The following AMPH variants were observed in gnomAD, a reference collection of about 807,000 sequenced individuals.
AMPH encodes amphiphysin.
Under a neutral mutation model 99.1 loss-of-function variants are expected in AMPH, and 49 were observed. The ratio of observed to expected loss-of-function variants is 0.49; its 90% CI spans 0.39 to 0.63. The LOEUF (loss-of-function observed/expected upper bound fraction) is 0.63, where lower values mean the gene tolerates loss of function less well. AMPH is among the 20% of genes least tolerant of loss of function. The pLI is 0.00. For synonymous variants in AMPH, 314 were observed against 317.3 expected (o/e 0.99, Z 0.11); for missense variants, 759 against 863.4 (o/e 0.88, Z 1.52).
intron 4 of AMPH, among the ~76,000 whole-genome samples, chr7:38,493,597 A>G (rs981866926): frequency 6.6e-6 from 1 of 152,216 alleles, no homozygotes; most frequent in African/African-American, 2.4e-5. Context: ...GTCAGCCAGA[A>G]GCCTGATTTC....
intron 9 of AMPH, among the ~76,000 whole-genome samples, chr7:38,463,602 A>G (rs967116166): frequency 1.3e-5 from 2 of 152,234 alleles, no homozygotes; most frequent in African/African-American, 4.8e-5. Context: ...CTTTTATATT[A>G]AAAGGTAACC....
At chr7:38,614,089 A>G (rs1381213731) in intron 1 of AMPH, among the ~76,000 whole-genome samples, 1 of 152,238 alleles carries the variant, frequency 6.6e-6, no homozygotes. Context: ...ATCAAGACCT[A>G]GAAGTTTTCT....
intron 1 of AMPH, among the ~76,000 whole-genome samples, chr7:38,558,201 G>C (rs1791432208): frequency 6.6e-6 from 1 of 152,174 alleles, no homozygotes; most frequent in Non-Finnish European, 1.5e-5. Context: ...ACAGTTTCTA[G>C]AGAAAGTCCA....
rs116778729 is a variant in AMPH, at chr7:38,478,520, C to T, written c.397-1551G>A. On this transcript the variant is annotated intron_variant, in intron 5 of 20. Transcript: ENST00000356264. The stretch of plus-strand genomic sequence containing the variant: ...TCCAGACATAAATATTATTTCAGTA[C>T]TCACTATCCTATACATGATGTCTGG... 4.9e-3 allele frequency among the ~76,000 whole-genome samples: 750 copies of T among 152,192 alleles called. 10 individuals are homozygous for T. Among genetic ancestry groups the T allele is most frequent in the African/African-American group, 0.017 (705 of 41,516 alleles).
At chr7:38,620,548 T>TACACACACACAC (rs201765719) in intron 1 of AMPH, among the ~76,000 whole-genome samples, 21 of 133,098 alleles carry the variant, frequency 1.6e-4, no homozygotes, top group African/African-American at 4.3e-4. Context: ...TATACATACA[T>TACACACACACAC]ACACACACAC....
rs1562723806 is a variant in AMPH at position 38,394,008 on chromosome 7, A to T, written c.1605T>A (p.Pro535=). 1 of 1,614,150 alleles carries T rather than the reference A, an allele frequency of 6.2e-7. No homozygotes were observed. The highest frequency in any genetic ancestry group is 8.5e-7 in the Non-Finnish European group (1 of 1,180,006). The change falls in exon 18 of 21, where the codon CCT becomes CCA. Residue 535 remains proline (P), a synonymous_variant. Transcript: ENST00000356264. ...GGCTGCGACATGGGACACTCACCTGAGGCACTGTTGCTTCGAGCTCCTCTG... is the reference window on the plus strand; with the variant it reads ...GGCTGCGACATGGGACACTCACCTGTGGCACTGTTGCTTCGAGCTCCTCTG... ...PEAEELEATV[P]QEKVIPSVVI... is the part of the protein sequence containing the mutation.
intron 5 of AMPH, among the ~76,000 whole-genome samples, chr7:38,483,909 A>T (rs573238054): frequency 1.8e-4 from 28 of 152,240 alleles, no homozygotes; most frequent in African/African-American, 6.3e-4. Context: ...GTGAGAAATT[A>T]AACAAAGTGA....
At chr7:38,539,113 G>A (rs1790717669) in intron 1 of AMPH, among the ~76,000 whole-genome samples, 1 of 152,162 alleles carries the variant, frequency 6.6e-6, no homozygotes, top group South Asian at 2.1e-4. Context: ...GGAGACTGGG[G>A]ACCCAGAGGT....
At position 38,460,926 on chromosome 7, in the gene AMPH, G is replaced by A. The variant is rs182153399; in HGVS notation, c.1017+357C>T. On this transcript the variant is annotated intron_variant, in intron 11 of 20. Coordinates refer to ENST00000356264, the MANE Select transcript of AMPH (RefSeq NM_001635.4). Reference sequence around the variant, plus strand: ...ATAGATACCCCAAATACCCTAACTCGATCATTCCACATCCTATGCATATAA... The same window carrying A: ...ATAGATACCCCAAATACCCTAACTCAATCATTCCACATCCTATGCATATAA... 2.0e-5 allele frequency among the ~76,000 whole-genome samples: 3 copies of A among 152,188 alleles called. No individual in the cohort carries two copies. In the East Asian group the frequency reaches 5.8e-4, roughly 29 times the overall value.
At position 38,501,393 on chromosome 7, in the gene AMPH, C is replaced by T. The variant is rs138333554; in HGVS notation, c.205+2257G>A. On this transcript the variant is annotated intron_variant, in intron 3 of 20. Transcript: ENST00000356264. Reference sequence around the variant, plus strand: ...TTCAGTAGGGTTTTGCCATGTTGCCCAGGCTCATCTTGAACTCCTGGCCTA... The same window carrying T: ...TTCAGTAGGGTTTTGCCATGTTGCCTAGGCTCATCTTGAACTCCTGGCCTA... Among the ~76,000 whole-genome samples, 246 of 152,226 alleles carry T rather than the reference C, an allele frequency of 1.6e-3. 2 individuals carry two copies. Among genetic ancestry groups the T allele is most frequent in the African/African-American group, 5.5e-3 (230 of 41,524 alleles).
intron 11 of AMPH, among the ~76,000 whole-genome samples, chr7:38,459,301 G>A (rs951422585): frequency 2.0e-5 from 3 of 152,008 alleles, no homozygotes; most frequent in Middle Eastern, 3.4e-3. Context: ...ACAATGCAAC[G>A]CCTACCAAAA....
rs920713204 is a variant in AMPH, at chr7:38,569,215, G to A, written c.70-34204C>T. ...ACCTAAAGTAATAGTCTAAAACCCAGAAATGACTTTTGTACAAATACTCTC... is the reference window on the plus strand; with the variant it reads ...ACCTAAAGTAATAGTCTAAAACCCAAAAATGACTTTTGTACAAATACTCTC... On this transcript the variant is annotated intron_variant, in intron 1 of 20. Transcript: ENST00000356264. Among the ~76,000 whole-genome samples the A allele has an allele frequency of 2.0e-5, 3 of 150,882 alleles. 1 individual carries two copies. The Middle Eastern group carries it at 0.01, about 528-fold the overall frequency.
At position 38,492,125 on chromosome 7, in the gene AMPH, T is replaced by A. The variant is rs180694751; in HGVS notation, c.301-980A>T. Among the ~76,000 whole-genome samples, 327 of 152,360 alleles carry A rather than the reference T, an allele frequency of 2.1e-3. 1 individual carries two copies. The highest frequency in any genetic ancestry group is 7.7e-3 in the African/African-American group (319 of 41,586). ...CTACCCTTTCTTCCTTCCTACTAAC[T>A]GAACCTCCCATTTTAGCTCGGCCCT... On this transcript the variant is annotated intron_variant, in intron 4 of 20. Transcript: ENST00000356264.
intron 17 of AMPH, among the ~76,000 whole-genome samples, chr7:38,412,941 T>C (rs900529009): frequency 1.3e-5 from 2 of 152,320 alleles, no homozygotes. Flanking sequence ...GGGAACCACA[T>C]GGAAATTTGT....
chr7:38,627,782 C>T (rs1446394039), intron 1 of AMPH, among the ~76,000 whole-genome samples: 1 of 151,244 alleles, frequency 6.6e-6, no homozygotes, highest in Non-Finnish European at 1.5e-5. Flanking sequence ...GAATATATAG[C>T]TTTTATTCAT....
chr7:38,500,484 C>T (rs750443383), intron 3 of AMPH, among the ~76,000 whole-genome samples: 26 of 152,134 alleles, frequency 1.7e-4, no homozygotes, highest in Non-Finnish European at 3.2e-4. Flanking sequence ...CAGCTTTTCT[C>T]TGGAGCTCAA....
At chr7:38,503,101 C>A (rs2129026946) in intron 3 of AMPH, among the ~76,000 whole-genome samples, 1 of 152,340 alleles carries the variant, frequency 6.6e-6, no homozygotes, top group Non-Finnish European at 1.5e-5. Flanking sequence ...CATTTCCTTG[C>A]CTTACATGGC....
At chr7:38,473,230 T>A (rs1787949117) in intron 7 of AMPH, among the ~76,000 whole-genome samples, 1 of 152,160 alleles carries the variant, frequency 6.6e-6, no homozygotes, top group East Asian at 1.9e-4. Context: ...AAAATTCCTT[T>A]ACAGGGGAAA....
chr7:38,453,071 C>T (rs1372969190), intron 11 of AMPH, among the ~76,000 whole-genome samples: 11 of 152,200 alleles, frequency 7.2e-5, no homozygotes, highest in Non-Finnish European at 2.9e-5. Flanking sequence ...CATGGAAACA[C>T]TCCAAGTCAT....
Sources: allele counts gnomAD v4.1 joint callset (sites outside exome capture counted in the v4.1 genomes callset), GRCh38; gene constraint gnomAD v4.1.1; transcripts MANE v1.5; gene names NCBI Gene and HGNC (gene_info 2026-07-23, HGNC 2026-07-21).